Variants in CUL1 observed in about 807,000 individuals in gnomAD.
CUL1 encodes cullin 1, also known as cullin-1.
CUL1 carries 24 observed loss-of-function variants against 118.0 expected under a neutral mutation model. The observed-to-expected ratio is 0.20, with a 90% CI of 0.15 to 0.29. The LOEUF is 0.29. Among genes scored for constraint, CUL1 ranks in the 10% least tolerant of loss-of-function variants. The pLI, the probability that CUL1 is intolerant of heterozygous loss-of-function variation, is 1.00. For synonymous variants in CUL1, 332 were observed against 340.4 expected (o/e 0.98, Z 0.27); for missense variants, 361 against 933.8 (o/e 0.39, Z 7.99).
intron 9 of CUL1, among the ~76,000 whole-genome samples, chr7:148,776,945 A>G (rs938293400): frequency 2.0e-5 from 3 of 152,188 alleles, no homozygotes; most frequent in African/African-American, 7.2e-5. Context: ...GAATCTTTTC[A>G]TTCTCTTCAG....
chr7:148,706,985 G>A (rs888875132), intron 1 of CUL1, among the ~76,000 whole-genome samples: 4 of 152,046 alleles, frequency 2.6e-5, no homozygotes, highest in African/African-American at 9.7e-5. Flanking sequence ...ATCTTAATTT[G>A]TTTTGCTGCT....
At chr7:148,794,743 T>C (rs1226990783) in intron 17 of CUL1, among the ~76,000 whole-genome samples, 1 of 152,234 alleles carries the variant, frequency 6.6e-6, no homozygotes, top group Non-Finnish European at 1.5e-5. Flanking sequence ...TTCTTTCAAC[T>C]GTGTCTCATG....
At chr7:148,770,450 A>C (rs1453860116) in intron 9 of CUL1, among the ~76,000 whole-genome samples, 1 of 152,232 alleles carries the variant, frequency 6.6e-6, no homozygotes, top group Admixed American at 6.5e-5. Flanking sequence ...TTCTACATTG[A>C]ACTCATGAAA....
At chr7:148,715,774 C>T (rs930811298) in intron 1 of CUL1, among the ~76,000 whole-genome samples, 10 of 152,156 alleles carry the variant, frequency 6.6e-5, no homozygotes, top group Admixed American at 6.5e-5. Context: ...TTAAAAAAAA[C>T]ACATTCAACT....
chr7:148,723,186 G>A (rs572807371), intron 1 of CUL1, among the ~76,000 whole-genome samples: 1 of 152,326 alleles, frequency 6.6e-6, no homozygotes, highest in African/African-American at 2.4e-5. Flanking sequence ...GTGTCTGGCT[G>A]TACCTTTGCA....
At chr7:148,707,666 G>T (rs777453099) in intron 1 of CUL1, among the ~76,000 whole-genome samples, 1 of 152,068 alleles carries the variant, frequency 6.6e-6, no homozygotes, top group Non-Finnish European at 1.5e-5. Flanking sequence ...ACAGGCCCCA[G>T]TGAGTGTTGT....
intron 2 of CUL1, 29 bp from the exon 3 acceptor site, chr7:148,753,947 T>C: frequency 6.5e-7 from 1 of 1,528,514 alleles, no homozygotes. Flanking sequence ...GTCTGTGATA[T>C]ATGTTGGTTT....
intron 17 of CUL1, among the ~76,000 whole-genome samples, chr7:148,794,707 G>T (rs1484114094): frequency 6.6e-6 from 1 of 152,156 alleles, no homozygotes; most frequent in Non-Finnish European, 1.5e-5. Flanking sequence ...AACATGGGAT[G>T]TCTTTTCATC....
At chr7:148,777,540 C>G (rs533134693) in intron 9 of CUL1, among the ~76,000 whole-genome samples, 1 of 152,316 alleles carries the variant, frequency 6.6e-6, no homozygotes, top group African/African-American at 2.4e-5. Context: ...ACTCCCTCTT[C>G]AAACAAATGT....
intron 2 of CUL1, among the ~76,000 whole-genome samples, chr7:148,747,758 T>C (rs1320421196): frequency 6.6e-6 from 1 of 152,180 alleles, no homozygotes; most frequent in African/African-American, 2.4e-5. Flanking sequence ...ATTCTATAAA[T>C]GTAAAATGAA....
chr7:148,731,813 T>C (rs1203767559), intron 2 of CUL1, among the ~76,000 whole-genome samples: 2 of 152,210 alleles, frequency 1.3e-5, no homozygotes, highest in African/African-American at 4.8e-5. Context: ...CTTCTTTGAC[T>C]GAGCATGCTT....
chr7:148,783,671 G>T (rs750873895), intron 9 of CUL1, 112 bp from the exon 10 acceptor site: 1 of 1,563,038 alleles, frequency 6.4e-7, no homozygotes, highest in South Asian at 1.2e-5. Flanking sequence ...ACTTTGAAAA[G>T]GTATCTATAG....
In CUL1 at chr7:148,737,748, G is replaced by T. The variant is rs543405604; in HGVS notation, c.140+7486G>T. Reference sequence around the variant, plus strand: ...CCCGAGTGGCTGGGATTACAGGTGCGTGCCACCATGCCCAGCTAATTTTTG... The same window carrying T: ...CCCGAGTGGCTGGGATTACAGGTGCTTGCCACCATGCCCAGCTAATTTTTG... On this transcript the variant is annotated intron_variant, in intron 2 of 21. Transcript: ENST00000325222. Among the ~76,000 whole-genome samples the T allele has an allele frequency of 1.3e-5, 2 of 151,650 alleles. 1 individual carries two copies. The highest frequency in any genetic ancestry group is 4.2e-4 in the South Asian group (2 of 4,804).
At chr7:148,748,341 G>A (rs1005460125) in intron 2 of CUL1, among the ~76,000 whole-genome samples, 7 of 151,826 alleles carry the variant, frequency 4.6e-5, no homozygotes, top group African/African-American at 1.7e-4. Flanking sequence ...TGAAAATAAA[G>A]GGCTGGAACA....
intron 1 of CUL1, among the ~76,000 whole-genome samples, chr7:148,721,723 C>T (rs1378106701): frequency 6.6e-6 from 1 of 150,520 alleles, no homozygotes; most frequent in East Asian, 1.9e-4. Context: ...TCCTTTGTCA[C>T]CTTTTTTTTT....
Position 148,783,790 on chromosome 7 carries a change from A to G in CUL1, c.1091A>G (p.Lys364Arg). 6.2e-7 allele frequency: 1 copy of G among 1,614,106 alleles called. No homozygotes were observed. Among genetic ancestry groups the G allele is most frequent in the Non-Finnish European group, 8.5e-7 (1 of 1,179,978 alleles). ...TTTCTGCCCCCATTTAAGGACCCCA[A>G]AATGTATGTACAGACAGTGCTTGAT... is the stretch of plus-strand genomic sequence containing the variant. ...KCGEAALNDP[K>R]MYVQTVLDVH... Residue 364 changes from lysine to arginine, a missense_variant, in exon 10 of 22, where the codon AAA (lysine) becomes AGA (arginine). Physicochemically the swap from Lys to Arg is conservative, Grantham distance 26. Around this residue, in one of 7 missense-constraint regions of CUL1, gnomAD observed 169 missense variants for 429.7 expected, o/e 0.39. Transcript: ENST00000325222.
intron 1 of CUL1, among the ~76,000 whole-genome samples, chr7:148,700,749 T>C (rs1161088256): frequency 6.6e-6 from 1 of 152,210 alleles, no homozygotes; most frequent in Admixed American, 6.5e-5. Context: ...TGTTAAACTT[T>C]TTTTCTCATT....
chr7:148,757,192 TTTG>T, intron 4 of CUL1, 42 bp downstream of exon 4: 1 of 1,341,336 alleles, frequency 7.5e-7, no homozygotes, highest in Non-Finnish European at 9.8e-7. Flanking sequence ...TGTTTTTGTT[TTTG>T]TTTTTTTTAA....
chr7:148,728,016 G>A (rs1411980591), intron 1 of CUL1, among the ~76,000 whole-genome samples: 1 of 152,102 alleles, frequency 6.6e-6, no homozygotes, highest in Non-Finnish European at 1.5e-5. Flanking sequence ...GCAGACACAA[G>A]GTATTGGAAT....
Sources: allele counts gnomAD v4.1 joint callset (sites outside exome capture counted in the v4.1 genomes callset), GRCh38; gene constraint gnomAD v4.1.1; regional missense constraint gnomAD v4.1.1; transcripts MANE v1.5; gene names NCBI Gene and HGNC (gene_info 2026-07-23, HGNC 2026-07-21).